The following PCDHA7 variants were observed in gnomAD, a reference collection of about 807,000 sequenced individuals.
PCDHA7 encodes protocadherin alpha-7.
A neutral mutation model predicts 57.2 loss-of-function variants in PCDHA7; 37 were observed. The observed-to-expected ratio is 0.65, with a 90% CI of 0.50 to 0.85. PCDHA7 has a LOEUF of 0.85. PCDHA7 is among the 40% of genes least tolerant of loss of function. PCDHA7 has a pLI of 0.00. For missense variants in PCDHA7, 1,188 were observed against 1,241.8 expected, an observed-to-expected ratio of 0.96 and a Z score of 0.65; for synonymous variants, 553 against 558.8, an observed-to-expected ratio of 0.99 and a Z score of 0.15.
chr5:140,883,980 G>A, intron 1 of PCDHA7: 1 of 1,612,872 alleles, frequency 6.2e-7, no homozygotes, highest in Non-Finnish European at 8.5e-7. Context: ...CCCGGGGCTG[G>A]CAGCGCGGGA....
chr5:140,936,312 C>A (rs2090900162), intron 1 of PCDHA7, among the ~76,000 whole-genome samples: 1 of 152,166 alleles, frequency 6.6e-6, no homozygotes, highest in Non-Finnish European at 1.5e-5. Context: ...ATAGAACTTT[C>A]TGACATGCTA....
At chr5:140,902,044 AT>A (rs1222362795) in intron 1 of PCDHA7, among the ~76,000 whole-genome samples, 1 of 152,016 alleles carries the variant, frequency 6.6e-6, no homozygotes, top group Admixed American at 6.6e-5. Flanking sequence ...TTGTATGTTG[AT>A]TTTGTATCCT....
rs1554225842 is a variant in PCDHA7 at position 140,962,164 on chromosome 5, C to T, written c.2356-16785C>T. Among the ~76,000 whole-genome samples the T allele has an allele frequency of 2.0e-5, 3 of 152,236 alleles. No individual in the cohort carries two copies. In the South Asian group the frequency reaches 6.2e-4, roughly 32 times the overall value. On this transcript the variant is annotated intron_variant, in intron 1 of 3. Transcript: ENST00000525929. ...TGCTGGGATTACAGGCGTGAGCCAC[C>T]ACACCCGGCCACTTATATCACTTTT...
intron 1 of PCDHA7, among the ~76,000 whole-genome samples, chr5:140,952,174 A>T (rs1376987356): frequency 6.6e-6 from 1 of 152,096 alleles, no homozygotes; most frequent in Non-Finnish European, 1.5e-5. Flanking sequence ...CAGTTCCTGC[A>T]GCTGCTCTCA....
At chr5:140,841,271 G>A (rs1554138054) in intron 1 of PCDHA7, 2 of 1,532,504 alleles carry the variant, frequency 1.3e-6, no homozygotes, top group Admixed American at 2.1e-5. Context: ...AAGTACAGTC[G>A]TTCATCTTTA....
At chr5:141,002,610 C>T (rs1191320958) in intron 3 of PCDHA7, among the ~76,000 whole-genome samples, 1 of 152,200 alleles carries the variant, frequency 6.6e-6, no homozygotes, top group Non-Finnish European at 1.5e-5. Context: ...ATAAAACAGA[C>T]ACATAACACA....
At chr5:140,872,580 T>C (rs1554166256) in intron 1 of PCDHA7, among the ~76,000 whole-genome samples, 1 of 152,172 alleles carries the variant, frequency 6.6e-6, no homozygotes, top group Middle Eastern at 3.2e-3. Flanking sequence ...TGACCTATCA[T>C]CGTGAGACCC....
intron 1 of PCDHA7, among the ~76,000 whole-genome samples, chr5:140,971,045 T>G (rs2096453995): frequency 6.6e-6 from 1 of 152,090 alleles, no homozygotes; most frequent in Non-Finnish European, 1.5e-5. Context: ...CGTAAAAGGG[T>G]TTAGCTTTAA....
chr5:140,860,067 T>C (rs2150484600), intron 1 of PCDHA7: 1 of 151,674 alleles, frequency 6.6e-6, no homozygotes, highest in African/African-American at 2.4e-5. Flanking sequence ...GGTGGGAGGA[T>C]GGTTTGAGGC....
chr5:140,841,885 G>C (rs2150324724), intron 1 of PCDHA7: 2 of 1,613,802 alleles, frequency 1.2e-6, no homozygotes, highest in Non-Finnish European at 1.7e-6. Context: ...AGAACGATGA[G>C]AATAAACTGG....
intron 1 of PCDHA7, among the ~76,000 whole-genome samples, chr5:140,922,896 A>C (rs551056851): frequency 1.6e-3 from 238 of 152,336 alleles, no homozygotes; most frequent in Non-Finnish European, 2.0e-3. Context: ...TTCAAGAAAA[A>C]ATTTTGAGAT....
intron 1 of PCDHA7, among the ~76,000 whole-genome samples, chr5:140,899,726 T>A (rs1406076879): frequency 6.6e-6 from 1 of 152,236 alleles, no homozygotes; most frequent in East Asian, 1.9e-4. Flanking sequence ...CCTCTTTTTC[T>A]ATTGATTGGA....
At chr5:140,945,178 C>T (rs2093753648) in intron 1 of PCDHA7, among the ~76,000 whole-genome samples, 2 of 151,902 alleles carry the variant, frequency 1.3e-5, no homozygotes, top group Admixed American at 1.3e-4. Flanking sequence ...AAAAATAAAT[C>T]AAGAAAACCA....
chr5:140,950,685 A>T (rs947460709), intron 1 of PCDHA7, among the ~76,000 whole-genome samples: 3 of 152,082 alleles, frequency 2.0e-5, no homozygotes, highest in Non-Finnish European at 4.4e-5. Context: ...GTATATTGTT[A>T]ACCAAATTTG....
chr5:140,881,353 G>A (rs537796043), intron 1 of PCDHA7: 1 of 985,178 alleles, frequency 1.0e-6, no homozygotes, highest in East Asian at 1.1e-4. Flanking sequence ...GCTACAATGC[G>A]TGGCTTTCGT....
rs577527606 is a variant in PCDHA7 at position 140,882,595 on chromosome 5, C to A, written c.2355+45857C>A. 3.7e-6 allele frequency: 6 copies of A among 1,614,204 alleles called. No individual in the cohort carries two copies. The African/African-American group carries it at 8.0e-5, about 22-fold the overall frequency. On this transcript the variant is annotated intron_variant, in intron 1 of 3. Coordinates refer to ENST00000525929, the MANE Select transcript of PCDHA7 (RefSeq NM_018910.3). ...AGTGCAGCATCCACCTGGAGGTGAT[C>A]GTGGACAGGCCTCTGCAGGTTTTCC...
intron 1 of PCDHA7, chr5:140,927,565 G>A: frequency 6.2e-7 from 1 of 1,614,186 alleles, no homozygotes; most frequent in Non-Finnish European, 8.5e-7. Context: ...CATTGTGGTG[G>A]ACACAAATGA....
At chr5:140,918,562 A>G (rs536690328) in intron 1 of PCDHA7, among the ~76,000 whole-genome samples, 17 of 152,330 alleles carry the variant, frequency 1.1e-4, no homozygotes, top group African/African-American at 3.4e-4. Context: ...AGAAGAATGT[A>G]TATTATGCTG....
chr5:140,884,198 C>G, intron 1 of PCDHA7: 1 of 1,613,442 alleles, frequency 6.2e-7, no homozygotes, highest in Non-Finnish European at 8.5e-7. Flanking sequence ...GGACGCGCCG[C>G]ACCACCGCCT....
Sources: gnomAD v4.1 joint callset for allele counts (sites outside exome capture counted in the v4.1 genomes callset) on GRCh38, gnomAD v4.1.1 for gene constraint, MANE v1.5 for transcripts, NCBI Gene and HGNC (gene_info 2026-07-23, HGNC 2026-07-21) for gene names.